Variants in TRAPPC3L observed in about 807,000 individuals in gnomAD.
TRAPPC3L encodes trafficking protein particle complex subunit 3-like protein.
TRAPPC3L carries 23 observed loss-of-function variants against 23.7 expected under a neutral mutation model. The ratio of observed to expected loss-of-function variants is 0.97; its 90% CI spans 0.70 to 1.37. The LOEUF is 1.37. Among genes scored for constraint, TRAPPC3L ranks in the 40% most tolerant of loss-of-function variants. The probability of loss-of-function intolerance (pLI) is 0.00; values close to 1 mark genes in which losing one functional copy is unlikely to be tolerated. For synonymous variants in TRAPPC3L, 81 were observed against 77.9 expected (o/e 1.04, Z -0.21); for missense variants, 212 against 216.8 (o/e 0.98, Z 0.14).
chr6:116,515,569 CGT>C (rs1562340242), intron 3 of TRAPPC3L: 1 of 1,573,776 alleles, frequency 6.4e-7, no homozygotes, highest in Non-Finnish European at 8.6e-7. Flanking sequence ...TTTGCTTTCA[CGT>C]GTGTACTCAA....
intron 3 of TRAPPC3L, among the ~76,000 whole-genome samples, chr6:116,504,163 A>G (rs568412651): frequency 4.0e-4 from 61 of 152,306 alleles, no homozygotes; most frequent in South Asian, 3.3e-3. Flanking sequence ...AGACAGAATC[A>G]TCAAGTAGAC....
Position 116,545,642 on chromosome 6 carries a change from C to A in TRAPPC3L, c.-128G>T. 2 of 684,242 alleles carry A rather than the reference C, an allele frequency of 2.9e-6. No homozygotes were observed. The highest frequency in any genetic ancestry group is 4.7e-6 in the Non-Finnish European group (2 of 426,384). The allele number at this position is 684,242 out of a possible 1,614,324, so 42.4% of individuals were successfully genotyped here. A position where few individuals can be genotyped will look rare whatever the true frequency, so the allele number is the denominator to read the frequency against. ...TCCTCGCTTTGAGACAGGAGTGCTGCTTCTGCACTCTGCTGCTTTTGCTCT... is the reference window on the plus strand; with the variant it reads ...TCCTCGCTTTGAGACAGGAGTGCTGATTCTGCACTCTGCTGCTTTTGCTCT... On this transcript the variant is annotated 5_prime_UTR_variant, in exon 1 of 5. Coordinates refer to ENST00000368602, the MANE Select transcript of TRAPPC3L (RefSeq NM_001139444.3).
intron 3 of TRAPPC3L, among the ~76,000 whole-genome samples, chr6:116,500,953 A>C (rs1771902025): frequency 6.6e-6 from 1 of 152,200 alleles, no homozygotes; most frequent in African/African-American, 2.4e-5. Flanking sequence ...CTGCATTTCC[A>C]ACTGAGGTAC....
rs563585970 is a variant in TRAPPC3L at position 116,499,105 on chromosome 6, T to C, written c.426+1376A>G. Among the ~76,000 whole-genome samples the C allele has an allele frequency of 3.9e-5, 6 of 152,360 alleles. No homozygotes were observed. In the South Asian group the frequency reaches 1.2e-3, roughly 32 times the overall value. Reference sequence around the variant, plus strand: ...TCACTTTGTCTCTACCAAGCCCAGATGTACTCCTCTTGGTTTTGTTCCTCT... The same window carrying C: ...TCACTTTGTCTCTACCAAGCCCAGACGTACTCCTCTTGGTTTTGTTCCTCT... On this transcript the variant is annotated intron_variant, in intron 4 of 4. Transcript: ENST00000368602.
In TRAPPC3L at chr6:116,543,702, A is replaced by T. The variant is rs894212176; in HGVS notation, c.43-302T>A. On this transcript the variant is annotated intron_variant, in intron 1 of 4. Coordinates refer to ENST00000368602, the MANE Select transcript of TRAPPC3L (RefSeq NM_001139444.3). ...GTATTTTCATGGAGGACAGTTTTTT[A>T]AAAATACTAATTTCTAACATAAATT... The T allele has an allele frequency of 4.8e-5, 45 of 944,114 alleles. No homozygotes were observed. The African/African-American group carries it at 5.7e-4, about 12-fold the overall frequency. The allele number at this position is 944,114 out of a possible 1,614,324, so 58.5% of individuals were successfully genotyped here.
At chr6:116,511,564 T>TG in intron 3 of TRAPPC3L, 1 of 773,702 alleles carries the variant, frequency 1.3e-6, no homozygotes, top group South Asian at 1.8e-5. Flanking sequence ...AATGACATTG[T>TG]TTCCTTATCT....
At chr6:116,541,017 A>C (rs1773416445) in intron 2 of TRAPPC3L, among the ~76,000 whole-genome samples, 1 of 152,190 alleles carries the variant, frequency 6.6e-6, no homozygotes, top group African/African-American at 2.4e-5. Context: ...AGTGAAAAAC[A>C]GCCAAGTTCA....
rs946827498 is a variant in TRAPPC3L, at chr6:116,512,144, T to C, written c.241-11478A>G. 3.7e-6 allele frequency: 6 copies of C among 1,613,524 alleles called. No individual in the cohort carries two copies. In the East Asian group the frequency reaches 1.3e-4, roughly 36 times the overall value. ...TTGCAAGGGTAAGCCCAAAGAGTGC[T>C]GGGAAGAACTTCACAAAGTATCTTG... On this transcript the variant is annotated intron_variant, in intron 3 of 4. Coordinates refer to ENST00000368602, the MANE Select transcript of TRAPPC3L (RefSeq NM_001139444.3).
chr6:116,515,548 C>A, intron 3 of TRAPPC3L: 1 of 1,534,690 alleles, frequency 6.5e-7, no homozygotes, highest in Non-Finnish European at 8.8e-7. Flanking sequence ...TACCCCAGCT[C>A]CCTAAATGGC....
chr6:116,509,830 C>A lies in TRAPPC3L; in HGVS notation c.241-9164G>T, dbSNP rs150535932. ...CAAAACCAAAAATAAATAAATGGGA[C>A]CTAATTAAACTAAAAAGCTTCTGCA... On this transcript the variant is annotated intron_variant, in intron 3 of 4. Coordinates refer to ENST00000368602, the MANE Select transcript of TRAPPC3L (RefSeq NM_001139444.3). Among the ~76,000 whole-genome samples the A allele has an allele frequency of 5.9e-4, 89 of 151,930 alleles. 2 individuals carry two copies. The highest frequency in any genetic ancestry group is 5.4e-3 in the Admixed American group (82 of 15,244).
chr6:116,530,019 G>A (rs998845350), intron 3 of TRAPPC3L, among the ~76,000 whole-genome samples: 1 of 152,178 alleles, frequency 6.6e-6, no homozygotes, highest in Non-Finnish European at 1.5e-5. Flanking sequence ...ACAGCATTAT[G>A]ATGGCAGCAA....
intron 3 of TRAPPC3L, among the ~76,000 whole-genome samples, chr6:116,503,681 A>C (rs1430746205): frequency 6.6e-6 from 1 of 152,234 alleles, no homozygotes; most frequent in African/African-American, 2.4e-5. Context: ...TGTCTCTCAG[A>C]CCACAGTGCA....
chr6:116,539,166 A>G (rs527947640), intron 3 of TRAPPC3L, among the ~76,000 whole-genome samples: 156 of 152,348 alleles, frequency 1.0e-3, no homozygotes, highest in African/African-American at 3.7e-3. Flanking sequence ...CTTTCCATTA[A>G]AACAGCTGGT....
chr6:116,497,217 G>A, intron 4 of TRAPPC3L, 144 bp from the exon 5 acceptor site: 3 of 994,704 alleles, frequency 3.0e-6, no homozygotes, highest in Middle Eastern at 3.2e-4. Context: ...GCCCTTTACT[G>A]AGTGTCCTCC....
intron 3 of TRAPPC3L, among the ~76,000 whole-genome samples, chr6:116,530,994 C>T (rs532057788): frequency 6.9e-6 from 1 of 144,532 alleles, no homozygotes; most frequent in Non-Finnish European, 1.5e-5. Flanking sequence ...AATTACTTTG[C>T]CCTGTTTTGG....
chr6:116,499,818 C>G (rs551272986), intron 4 of TRAPPC3L, among the ~76,000 whole-genome samples: 58 of 152,326 alleles, frequency 3.8e-4, no homozygotes, highest in South Asian at 2.1e-3. Flanking sequence ...CTTAATTATA[C>G]TTCTTTGTAC....
chr6:116,496,746 T>A lies in TRAPPC3L; in HGVS notation c.*208A>T, dbSNP rs1771838250. On this transcript the variant is annotated 3_prime_UTR_variant, in exon 5 of 5. Transcript: ENST00000368602. ...TGTAAGGAGCTATTTGCATATGAAA[T>A]TTTGTGGACATGAGATTGAAAATGC... The A allele has an allele frequency of 1.7e-6, 1 of 581,668 alleles. No individual in the cohort carries two copies. Among genetic ancestry groups the A allele is most frequent in the South Asian group, 2.8e-5 (1 of 35,394 alleles). 36.0% of individuals were successfully genotyped at this position (581,668 alleles called of 1,614,324 possible).
chr6:116,524,024 T>C (rs1336060934), intron 3 of TRAPPC3L: 1 of 152,248 alleles, frequency 6.6e-6, no homozygotes, highest in Non-Finnish European at 1.5e-5. Context: ...GAATATTAGA[T>C]GATTTTTAGA....
At chr6:116,523,822 C>T (rs1469074506) in intron 3 of TRAPPC3L, 3 of 152,134 alleles carry the variant, frequency 2.0e-5, no homozygotes, top group Non-Finnish European at 2.9e-5. Flanking sequence ...CAACCAGGTA[C>T]ATCTAGATCT....
Sources: allele counts gnomAD v4.1 joint callset (sites outside exome capture counted in the v4.1 genomes callset), GRCh38; gene constraint gnomAD v4.1.1; transcripts MANE v1.5; gene names NCBI Gene and HGNC (gene_info 2026-07-23, HGNC 2026-07-21).